PDE8B: variants seen among roughly 807,000 people sequenced by gnomAD.
PDE8B encodes phosphodiesterase 8B.
PDE8B carries 26 observed loss-of-function variants against 101.3 expected under a neutral mutation model. That is an observed-to-expected ratio of 0.26 (90% CI 0.19 to 0.36). The LOEUF is 0.36. PDE8B is among the 10% of genes least tolerant of loss of function. PDE8B has a pLI of 1.00. For missense variants in PDE8B, 810 were observed against 1,163.1 expected (o/e 0.70, Z 4.42); for synonymous variants, 424 against 429.3 (o/e 0.99, Z 0.15).
chr5:77,330,147 C>A (rs1262083191), intron 4 of PDE8B, among the ~76,000 whole-genome samples: 1 of 152,204 alleles, frequency 6.6e-6, no homozygotes, highest in African/African-American at 2.4e-5. Flanking sequence ...CAGCATCCTT[C>A]AGCCCTCTTT....
chr5:77,151,215 C>T, the PDE8B span: 2 of 152,314 alleles, frequency 1.3e-5, no homozygotes, highest in African/African-American at 4.8e-5. Context: ...TTCTCTCTCT[C>T]CCTCTCAGCT....
At chr5:77,253,332 T>C (rs1454439223) in intron 1 of PDE8B, among the ~76,000 whole-genome samples, 3 of 152,050 alleles carry the variant, frequency 2.0e-5, no homozygotes, top group Admixed American at 1.3e-4. Context: ...GTAAATGAGG[T>C]TGGAGAGGAA....
chr5:77,404,780 C>G lies in PDE8B; in HGVS notation c.1271C>G (p.Ser424Ter), dbSNP rs1581518555. The change falls in exon 12 of 22, where the codon TCA (serine) becomes TGA (stop). Residue 424 changes from serine to a stop codon, truncating the protein, a stop_gained. Transcript: ENST00000264917. LOFTEE classifies it high-confidence loss of function. Reference sequence around the variant, plus strand: ...GAGTCCATTGACGTGAAATCGATATCATCTCGAGGCAGTGATGGTAAGATG... The same window carrying G: ...GAGTCCATTGACGTGAAATCGATATGATCTCGAGGCAGTGATGGTAAGATG... ...RKESIDVKSI[S>*]SRGSDAPSLQ... The G allele has an allele frequency of 6.3e-7, 1 of 1,595,372 alleles. No homozygotes were observed. Among genetic ancestry groups the G allele is most frequent in the African/African-American group, 1.3e-5 (1 of 74,528 alleles).
At chr5:77,281,560 T>A (rs1341223019) in intron 1 of PDE8B, among the ~76,000 whole-genome samples, 1 of 152,182 alleles carries the variant, frequency 6.6e-6, no homozygotes, top group East Asian at 1.9e-4. Flanking sequence ...TCCCAGTCTC[T>A]GCCTCCATGG....
chr5:77,101,754 T>C, the PDE8B span, among the ~76,000 whole-genome samples: 107 of 152,216 alleles, frequency 7.0e-4, no homozygotes, highest in African/African-American at 2.5e-3. Flanking sequence ...CTTGGAGTGA[T>C]TGAAAACTTG....
chr5:77,146,118 T>C, the PDE8B span: 2 of 152,218 alleles, frequency 1.3e-5, no homozygotes, highest in Non-Finnish European at 2.9e-5. Context: ...TGTCTTTAGT[T>C]TTATAGATTG....
At chr5:77,318,751 T>C (rs1774385572) in intron 2 of PDE8B, among the ~76,000 whole-genome samples, 1 of 152,198 alleles carries the variant, frequency 6.6e-6, no homozygotes, top group South Asian at 2.1e-4. Flanking sequence ...TTGTTTAGTA[T>C]TATGCAGACA....
At chr5:77,169,580 G>A in the PDE8B span, among the ~76,000 whole-genome samples, 1 of 152,136 alleles carries the variant, frequency 6.6e-6, no homozygotes, top group African/African-American at 2.4e-5. Context: ...GCAGCAGCAT[G>A]TGCAAATACC....
chr5:77,329,655 TTAAAA>T (rs1383928000), intron 4 of PDE8B, among the ~76,000 whole-genome samples: 5 of 152,182 alleles, frequency 3.3e-5, no homozygotes, highest in African/African-American at 1.2e-4. Flanking sequence ...TGGCCAGCAC[TTAAAA>T]TAAAAGAGCC....
intron 20 of PDE8B, among the ~76,000 whole-genome samples, chr5:77,424,811 GTTTTTTTGTTT>G (rs1015844392): frequency 3.5e-4 from 39 of 111,320 alleles, no homozygotes; most frequent in Non-Finnish European, 3.2e-4. Flanking sequence ...AACTGGTTCT[GTTTTTTTGTTT>G]TTTGTTTTTT....
At chr5:77,206,742 T>C (rs1004682300), upstream of PDE8B, among the ~76,000 whole-genome samples, 3 of 152,164 alleles carry the variant, frequency 2.0e-5, no homozygotes, top group African/African-American at 7.2e-5. Context: ...AAAGGACAGA[T>C]GCTGGACCTG....
chr5:77,259,079 C>T (rs173705), intron 1 of PDE8B, among the ~76,000 whole-genome samples: 12,688 of 78,444 alleles, frequency 0.16, 2,053 homozygotes, highest in East Asian at 0.59. Context: ...CCCCCGCCCC[C>T]CCCCCACACA....
At chr5:77,406,997 G>A (rs559205323) in intron 12 of PDE8B, among the ~76,000 whole-genome samples, 24 of 152,100 alleles carry the variant, frequency 1.6e-4, no homozygotes, top group Admixed American at 3.9e-4. Flanking sequence ...CTGGTTACAC[G>A]GCCAGCAGCT....
At chr5:77,264,845 A>G (rs1305972150) in intron 1 of PDE8B, among the ~76,000 whole-genome samples, 1 of 152,134 alleles carries the variant, frequency 6.6e-6, no homozygotes, top group Non-Finnish European at 1.5e-5. Flanking sequence ...TAAAATAACT[A>G]CCCAGGTGAA....
At chr5:77,397,555 C>T (rs1404380323) in intron 10 of PDE8B, among the ~76,000 whole-genome samples, 2 of 152,150 alleles carry the variant, frequency 1.3e-5, no homozygotes, top group Non-Finnish European at 2.9e-5. Flanking sequence ...AGAAGATCTA[C>T]ATCTCTAAGG....
At chr5:77,266,751 T>A (rs1761788467) in intron 1 of PDE8B, among the ~76,000 whole-genome samples, 1 of 152,204 alleles carries the variant, frequency 6.6e-6, no homozygotes, top group African/African-American at 2.4e-5. Context: ...CATAACTACC[T>A]TGCATAAAGA....
chr5:77,289,901 T>G (rs1046366134), intron 1 of PDE8B, among the ~76,000 whole-genome samples: 2 of 152,164 alleles, frequency 1.3e-5, no homozygotes, highest in Non-Finnish European at 2.9e-5. Flanking sequence ...TGTTTCAAGC[T>G]AAAGAGCTTA....
chr5:77,275,781 T>A (rs1225095264), intron 1 of PDE8B, among the ~76,000 whole-genome samples: 1 of 152,260 alleles, frequency 6.6e-6, no homozygotes, highest in African/African-American at 2.4e-5. Flanking sequence ...GATATTTCTT[T>A]AAATGTTGAA....
Position 77,426,523 on chromosome 5 carries a change from G to A in PDE8B, c.2627G>A (p.Cys876Tyr). ...KHWKTLDDLKCKSLRLPSDS is the reference protein window; with the variant it reads ...KHWKTLDDLKYKSLRLPSDS ...TGGAAGACACTAGATGACCTAAAGT[G>A]CAAAAGTTTGAGGCTTCCATCTGAC... is the stretch of plus-strand genomic sequence containing the variant. The change falls in exon 22 of 22, where the codon TGC (cysteine) becomes TAC (tyrosine). Residue 876 changes from cysteine to tyrosine, a missense_variant. Physicochemically the swap from Cys to Tyr is radical, Grantham distance 194. Around this residue, in one of 4 missense-constraint regions of PDE8B, gnomAD observed 325 missense variants for 560.9 expected, o/e 0.58. Coordinates refer to ENST00000264917, the MANE Select transcript of PDE8B (RefSeq NM_003719.5). The A allele has an allele frequency of 6.2e-7, 1 of 1,612,694 alleles. No homozygotes were observed. The highest frequency in any genetic ancestry group is 8.5e-7 in the Non-Finnish European group (1 of 1,178,732).
Sources: allele counts gnomAD v4.1 joint callset (sites outside exome capture counted in the v4.1 genomes callset), GRCh38; gene constraint gnomAD v4.1.1; regional missense constraint gnomAD v4.1.1; transcripts MANE v1.5; gene names NCBI Gene and HGNC (gene_info 2026-07-23, HGNC 2026-07-21).